The following ANXA4 variants were observed in gnomAD, a reference collection of about 807,000 sequenced individuals.
ANXA4 encodes the protein annexin A4, also known as 35-beta calcimedin.
A neutral mutation model predicts 49.8 loss-of-function variants in ANXA4; 39 were observed. The ratio of observed to expected loss-of-function variants is 0.78; its 90% CI spans 0.61 to 1.02. The LOEUF is 1.02. Among genes scored for constraint, ANXA4 ranks in the 50% least tolerant of loss-of-function variants. The pLI is 0.00. For missense variants in ANXA4, 360 were observed against 410.1 expected (o/e 0.88, Z 1.05); for synonymous variants, 134 against 152.5 (o/e 0.88, Z 0.89).
intron 1 of ANXA4, among the ~76,000 whole-genome samples, chr2:69,762,507 A>G (rs1348776118): frequency 6.6e-6 from 1 of 152,014 alleles, no homozygotes; most frequent in African/African-American, 2.4e-5. Flanking sequence ...TCTAATTCCC[A>G]GTTGCTAGCT....
In ANXA4 at chr2:69,793,539, A is replaced by G. The variant is rs139256311; in HGVS notation, c.97+5398A>G. Among the ~76,000 whole-genome samples, 7 of 152,252 alleles carry G rather than the reference A, an allele frequency of 4.6e-5. No homozygotes were observed. In the East Asian group the frequency reaches 1.4e-3, roughly 29 times the overall value. On this transcript the variant is annotated intron_variant, in intron 3 of 12. Coordinates refer to ENST00000394295, the MANE Select transcript of ANXA4 (RefSeq NM_001153.5). Reference sequence around the variant, plus strand: ...AACACATATATAACCACACAAACAGAAGAAGATCCAGCAGTTATAAGATTT... The same window carrying G: ...AACACATATATAACCACACAAACAGGAGAAGATCCAGCAGTTATAAGATTT...
chr2:69,778,834 A>C (rs1011050218), intron 1 of ANXA4, among the ~76,000 whole-genome samples: 1 of 149,720 alleles, frequency 6.7e-6, no homozygotes, highest in African/African-American at 2.5e-5. Context: ...GTGATGGCTC[A>C]TGCCTGTAGT....
intron 2 of ANXA4, among the ~76,000 whole-genome samples, chr2:69,719,949 G>A (rs1394227505): frequency 6.6e-6 from 1 of 152,134 alleles, no homozygotes; most frequent in Non-Finnish European, 1.5e-5. Context: ...TTGGCAATAA[G>A]CTCTCTGGTT....
In ANXA4 at chr2:69,764,678, A is replaced by G. The variant is rs1487671041; in HGVS notation, c.-46-16842A>G. Among the ~76,000 whole-genome samples, 4 of 152,232 alleles carry G rather than the reference A, an allele frequency of 2.6e-5. No homozygotes were observed. In the South Asian group the frequency reaches 8.3e-4, roughly 31 times the overall value. ...TAACATTTAAAATCAACTTTTAAAAATTGTGGTGAAATAAATACACATGAA... is the reference window on the plus strand; with the variant it reads ...TAACATTTAAAATCAACTTTTAAAAGTTGTGGTGAAATAAATACACATGAA... On this transcript the variant is annotated intron_variant, in intron 1 of 12. Coordinates refer to ENST00000394295, the MANE Select transcript of ANXA4 (RefSeq NM_001153.5).
intron 2 of ANXA4, among the ~76,000 whole-genome samples, chr2:69,709,801 G>A (rs1388757383): frequency 6.6e-6 from 1 of 152,132 alleles, no homozygotes; most frequent in Admixed American, 6.5e-5. Flanking sequence ...CAAGCCAGGT[G>A]TGCTTGTAAG....
At chr2:69,800,467 T>C (rs950909688) in intron 3 of ANXA4, among the ~76,000 whole-genome samples, 5 of 152,206 alleles carry the variant, frequency 3.3e-5, no homozygotes, top group African/African-American at 4.8e-5. Context: ...CTAGTTCTTG[T>C]GTTCAAATAG....
intron 2 of ANXA4, among the ~76,000 whole-genome samples, chr2:69,668,634 G>A (rs562548035): frequency 5.3e-5 from 8 of 152,124 alleles, no homozygotes; most frequent in Admixed American, 2.0e-4. Flanking sequence ...ATTTAGAACC[G>A]TCATTTCATC....
intron 2 of ANXA4, among the ~76,000 whole-genome samples, chr2:69,686,564 C>T (rs1677794969): frequency 6.6e-6 from 1 of 152,110 alleles, no homozygotes; most frequent in African/African-American, 2.4e-5. Flanking sequence ...GCGCTCCTCC[C>T]ACCTCAGCCT....
chr2:69,820,699 G>T lies in ANXA4; in HGVS notation c.784G>T (p.Gly262Cys). Residue 262 changes from glycine to cysteine, a missense_variant and splice_region_variant, in exon 12 of 13, where the codon GGC becomes TGC. By Grantham distance (159) the Gly-to-Cys change is radical. Transcript: ENST00000394295. The part of the protein sequence containing the change: ...FAEKLYKSMK[G>C]LGTDDNTLIR... ...GTTTGGATTTCGTTTTCTTCCTTAGGGCTTGGGCACCGATGATAACACCCT... is the reference window on the plus strand; with the variant it reads ...GTTTGGATTTCGTTTTCTTCCTTAGTGCTTGGGCACCGATGATAACACCCT... 6.2e-7 allele frequency: 1 copy of T among 1,613,680 alleles called. No homozygotes were observed. The highest frequency in any genetic ancestry group is 8.5e-7 in the Non-Finnish European group (1 of 1,179,920).
intron 1 of ANXA4, among the ~76,000 whole-genome samples, chr2:69,748,328 G>A (rs1227469769): frequency 1.3e-5 from 2 of 151,268 alleles, no homozygotes; most frequent in African/African-American, 2.4e-5. Context: ...GCAGTGAGCC[G>A]AGATCACGCC....
At chr2:69,694,236 G>A (rs544651517) in intron 2 of ANXA4, among the ~76,000 whole-genome samples, 2 of 152,204 alleles carry the variant, frequency 1.3e-5, no homozygotes, top group East Asian at 3.9e-4. Flanking sequence ...AACCAAGGGC[G>A]CTTGTTTGCC....
chr2:69,682,826 G>C (rs1160823739), intron 2 of ANXA4, among the ~76,000 whole-genome samples: 1 of 152,136 alleles, frequency 6.6e-6, no homozygotes, highest in Non-Finnish European at 1.5e-5. Flanking sequence ...CTATCTCCAG[G>C]CATGAGAAAG....
At chr2:69,671,749 T>C (rs1217828387) in intron 2 of ANXA4, among the ~76,000 whole-genome samples, 3 of 152,042 alleles carry the variant, frequency 2.0e-5, no homozygotes, top group African/African-American at 4.8e-5. Context: ...TACACACATA[T>C]GAATTGTGAA....
At chr2:69,671,212 A>G (rs892821749) in intron 2 of ANXA4, among the ~76,000 whole-genome samples, 5 of 152,226 alleles carry the variant, frequency 3.3e-5, no homozygotes, top group Admixed American at 3.3e-4. Flanking sequence ...AAAAAATGAT[A>G]AATTTGAGAC....
intron 2 of ANXA4, among the ~76,000 whole-genome samples, chr2:69,673,233 T>C (rs937331794): frequency 8.5e-5 from 13 of 152,060 alleles, no homozygotes; most frequent in African/African-American, 3.1e-4. Flanking sequence ...CTGTTCACAA[T>C]AGCAAAGACT....
intron 6 of ANXA4, chr2:69,809,517 C>G (rs1673602204): frequency 6.6e-6 from 1 of 152,206 alleles, no homozygotes; most frequent in African/African-American, 2.4e-5. Context: ...CGCTCTGTGG[C>G]CCAGGCTGGA....
chr2:69,667,612 T>C (rs937691265), intron 2 of ANXA4, among the ~76,000 whole-genome samples: 3 of 152,220 alleles, frequency 2.0e-5, no homozygotes, highest in Non-Finnish European at 4.4e-5. Context: ...GCAACATTTA[T>C]GTCAGTTCTT....
chr2:69,723,255 C>A (rs1172579830), intron 3 of ANXA4, among the ~76,000 whole-genome samples: 1 of 146,884 alleles, frequency 6.8e-6, no homozygotes, highest in Non-Finnish European at 1.5e-5. Context: ...AAATAGAAAA[C>A]AAAGAAACAA....
chr2:69,808,213 C>T (rs1460146101), intron 6 of ANXA4: 5 of 522,698 alleles, frequency 9.6e-6, no homozygotes, highest in African/African-American at 3.9e-5. Flanking sequence ...TCTATTTTGC[C>T]TACCCAGTGC....
Sources: gnomAD v4.1 joint callset for allele counts (sites outside exome capture counted in the v4.1 genomes callset) on GRCh38, gnomAD v4.1.1 for gene constraint, MANE v1.5 for transcripts, NCBI Gene and HGNC (gene_info 2026-07-23, HGNC 2026-07-21) for gene names.